Variants in SNTB2 observed in about 807,000 individuals in gnomAD.
SNTB2 encodes beta-2-syntrophin.
Under a neutral mutation model 46.2 loss-of-function variants are expected in SNTB2, and 34 were observed. The ratio of observed to expected loss-of-function variants is 0.74; its 90% CI spans 0.56 to 0.98. SNTB2 has a LOEUF of 0.98. Ranked by LOEUF, SNTB2 falls within the 50% of genes least tolerant of loss-of-function variation. The pLI is 0.00. For synonymous variants in SNTB2, 290 were observed against 312.6 expected, an observed-to-expected ratio of 0.93 and a Z score of 0.76; for missense variants, 603 against 731.4, an observed-to-expected ratio of 0.82 and a Z score of 2.02.
At chr16:69,232,544 G>A (rs113320542) in intron 1 of SNTB2, among the ~76,000 whole-genome samples, 3,019 of 106,058 alleles carry the variant, frequency 0.028, 50 homozygotes, top group African/African-American at 0.038. Flanking sequence ...ACGGAGTCTC[G>A]CTCTGTTGCC....
chr16:69,292,366 ATATATATATATAT>A (rs1965169572), intron 5 of SNTB2, among the ~76,000 whole-genome samples: 4 of 29,228 alleles, frequency 1.4e-4, no homozygotes, highest in East Asian at 1.8e-3. Context: ...ATATATATAT[ATATATATATATAT>A]TATATATATA....
chr16:69,235,290 G>T (rs1201395738), intron 1 of SNTB2, among the ~76,000 whole-genome samples: 1 of 151,864 alleles, frequency 6.6e-6, no homozygotes, highest in African/African-American at 2.4e-5. Context: ...TTAATTTTAC[G>T]TAGAATAGGT....
At chr16:69,298,932 CT>C (rs1042929798) in intron 5 of SNTB2, among the ~76,000 whole-genome samples, 2 of 152,146 alleles carry the variant, frequency 1.3e-5, no homozygotes, top group Admixed American at 1.3e-4. Context: ...TACATTCTGC[CT>C]TACACAATTG....
intron 5 of SNTB2, among the ~76,000 whole-genome samples, chr16:69,293,239 A>C (rs1393745032): frequency 6.6e-6 from 1 of 152,188 alleles, no homozygotes; most frequent in East Asian, 1.9e-4. Context: ...GAACCAGAAC[A>C]ATCACCAGGG....
rs374779565 is a variant in SNTB2, at chr16:69,277,066, C to T, written c.1148+6781C>T. ...AGCACATGTGTGATTGAATTCTCAGCTGAACTCCATACATGCTTTTTCATG... is the reference window on the plus strand; with the variant it reads ...AGCACATGTGTGATTGAATTCTCAGTTGAACTCCATACATGCTTTTTCATG... On this transcript the variant is annotated intron_variant, in intron 4 of 6. Coordinates refer to ENST00000336278, the MANE Select transcript of SNTB2 (RefSeq NM_006750.4). Among the ~76,000 whole-genome samples, 37 of 152,168 alleles carry T rather than the reference C, an allele frequency of 2.4e-4. 3 individuals carry two copies. The highest frequency in any genetic ancestry group is 2.0e-3 in the Admixed American group (30 of 15,268).
At chr16:69,229,052 C>T (rs1219655344) in intron 1 of SNTB2, among the ~76,000 whole-genome samples, 1 of 152,182 alleles carries the variant, frequency 6.6e-6, no homozygotes, top group Non-Finnish European at 1.5e-5. Context: ...CAATTCCATA[C>T]TGATACCCCC....
At chr16:69,277,961 C>T (rs907632656) in intron 4 of SNTB2, among the ~76,000 whole-genome samples, 6 of 152,164 alleles carry the variant, frequency 3.9e-5, no homozygotes, top group East Asian at 1.9e-4. Context: ...GCATGTGGAT[C>T]GCTTGAGCCC....
intron 2 of SNTB2, among the ~76,000 whole-genome samples, chr16:69,247,376 G>A (rs1449379764): frequency 2.0e-5 from 3 of 152,088 alleles, no homozygotes; most frequent in Non-Finnish European, 2.9e-5. Context: ...GAGATTAGTG[G>A]AAAAAATAAG....
At chr16:69,279,515 C>CCTTTTTTTTTT (rs1965016654) in intron 4 of SNTB2, among the ~76,000 whole-genome samples, 1 of 71,734 alleles carries the variant, frequency 1.4e-5, no homozygotes, top group African/African-American at 6.8e-5. Flanking sequence ...GTCCTTTGCC[C>CCTTTTTTTTTT]TTTTTTTTTT....
intron 5 of SNTB2, among the ~76,000 whole-genome samples, chr16:69,289,140 A>G (rs551822760): frequency 1.3e-5 from 2 of 152,118 alleles, no homozygotes; most frequent in African/African-American, 4.8e-5. Context: ...GTGGTGATGC[A>G]TGCCTGTAAT....
At chr16:69,259,684 A>G (rs1164041782) in intron 2 of SNTB2, among the ~76,000 whole-genome samples, 1 of 148,476 alleles carries the variant, frequency 6.7e-6, no homozygotes, top group African/African-American at 2.5e-5. Context: ...GCTCACTGCA[A>G]CCTCCGCCTC....
chr16:69,273,126 A>G (rs150694101), intron 4 of SNTB2, among the ~76,000 whole-genome samples: 1 of 152,294 alleles, frequency 6.6e-6, no homozygotes, highest in African/African-American at 2.4e-5. Context: ...ATCTTCATAC[A>G]CTGCTGGTGA....
chr16:69,230,493 C>T (rs1964496923), intron 1 of SNTB2: 1 of 151,790 alleles, frequency 6.6e-6, no homozygotes, highest in Non-Finnish European at 1.5e-5. Flanking sequence ...TTCTGAGTAG[C>T]TGGGATTACA....
At chr16:69,202,778 G>A (rs1485676766) in intron 1 of SNTB2, among the ~76,000 whole-genome samples, 1 of 152,042 alleles carries the variant, frequency 6.6e-6, no homozygotes, top group Non-Finnish European at 1.5e-5. Flanking sequence ...GTTTCGCCAT[G>A]TTGGCCAGGC....
chr16:69,191,977 T>C (rs1299428345), intron 1 of SNTB2, among the ~76,000 whole-genome samples: 1 of 151,992 alleles, frequency 6.6e-6, no homozygotes, highest in Non-Finnish European at 1.5e-5. Context: ...TTGGGACAGA[T>C]TTGTATAGCA....
chr16:69,218,927 T>C (rs994322436), intron 1 of SNTB2, among the ~76,000 whole-genome samples: 1 of 152,188 alleles, frequency 6.6e-6, no homozygotes, highest in African/African-American at 2.4e-5. Context: ...GGAAAGATAC[T>C]GGTTGGGTCT....
chr16:69,263,087 A>G (rs1379431551), intron 3 of SNTB2, among the ~76,000 whole-genome samples: 1 of 151,422 alleles, frequency 6.6e-6, no homozygotes, highest in Non-Finnish European at 1.5e-5. Flanking sequence ...CTCAGCCTCT[A>G]GGAACTACCA....
intron 2 of SNTB2, among the ~76,000 whole-genome samples, chr16:69,258,289 A>C (rs1207708097): frequency 2.0e-5 from 3 of 152,176 alleles, no homozygotes; most frequent in African/African-American, 7.2e-5. Flanking sequence ...CAGAGTATAT[A>C]TCTTAGTCAT....
chr16:69,213,044 A>T (rs1263228808), intron 1 of SNTB2, among the ~76,000 whole-genome samples: 2 of 152,162 alleles, frequency 1.3e-5, no homozygotes, highest in Non-Finnish European at 2.9e-5. Context: ...TACATGCTTG[A>T]TCTTTCCATC....
Sources: allele counts gnomAD v4.1 joint callset (sites outside exome capture counted in the v4.1 genomes callset), GRCh38; gene constraint gnomAD v4.1.1; transcripts MANE v1.5; gene names NCBI Gene and HGNC (gene_info 2026-07-23, HGNC 2026-07-21).